The following GRID2 variants were observed in gnomAD, a reference collection of about 807,000 sequenced individuals.
GRID2 encodes glutamate ionotropic receptor delta type subunit 2, also known as glutamate receptor ionotropic, delta-2.
GRID2 carries 33 observed loss-of-function variants against 114.8 expected under a neutral mutation model. That is an observed-to-expected ratio of 0.29 (90% CI 0.22 to 0.38). GRID2 has a LOEUF of 0.38. Ranked by LOEUF, GRID2 falls within the 10% of genes least tolerant of loss-of-function variation. The pLI is 1.00. For missense variants in GRID2, 1,184 were observed against 1,257.7 expected, an observed-to-expected ratio of 0.94 and a Z score of 0.89; for synonymous variants, 505 against 449.9, an observed-to-expected ratio of 1.12 and a Z score of -1.55.
At chr4:93,054,395 T>G (rs569763392) in intron 2 of GRID2, among the ~76,000 whole-genome samples, 1 of 152,032 alleles carries the variant, frequency 6.6e-6, no homozygotes, top group South Asian at 2.1e-4. Context: ...GGAAATAAGT[T>G]TAAGGGATTA....
chr4:92,570,901 A>G (rs561542443), intron 1 of GRID2, among the ~76,000 whole-genome samples: 2 of 152,184 alleles, frequency 1.3e-5, no homozygotes, highest in African/African-American at 4.8e-5. Context: ...AAACAAGGAT[A>G]TTTTGACTCC....
chr4:92,585,450 GA>G (rs150669081), intron 1 of GRID2, among the ~76,000 whole-genome samples: 8,995 of 151,952 alleles, frequency 0.059, 300 homozygotes, highest in East Asian at 0.12. Context: ...TTGGAATTAT[GA>G]AATCCAACGA....
intron 1 of GRID2, among the ~76,000 whole-genome samples, chr4:92,365,183 T>C (rs1253457512): frequency 1.3e-5 from 2 of 152,106 alleles, no homozygotes; most frequent in Non-Finnish European, 2.9e-5. Flanking sequence ...TTCACTCCCA[T>C]GTTCATTATA....
intron 1 of GRID2, among the ~76,000 whole-genome samples, chr4:92,535,839 G>A (rs968513923): frequency 3.3e-5 from 5 of 152,016 alleles, no homozygotes; most frequent in Admixed American, 1.3e-4. Flanking sequence ...CGGGTTCGTC[G>A]TCTTGCTCAC....
At chr4:92,529,986 T>C (rs1199463307) in intron 1 of GRID2, among the ~76,000 whole-genome samples, 2 of 151,730 alleles carry the variant, frequency 1.3e-5, no homozygotes, top group African/African-American at 4.8e-5. Flanking sequence ...AGTTGGCAAC[T>C]GTATGGAGTA....
intron 2 of GRID2, among the ~76,000 whole-genome samples, chr4:92,764,758 C>G (rs1183177548): frequency 6.6e-6 from 1 of 152,126 alleles, no homozygotes; most frequent in Non-Finnish European, 1.5e-5. Flanking sequence ...AGTGCTAACA[C>G]AATGCCTGAT....
chr4:92,541,652 A>G (rs1579548699), intron 1 of GRID2, among the ~76,000 whole-genome samples: 1 of 152,284 alleles, frequency 6.6e-6, no homozygotes, highest in South Asian at 2.1e-4. Flanking sequence ...TATAATTAAT[A>G]TGAGTGGTCA....
chr4:93,026,994 A>T (rs1040743352), intron 2 of GRID2, among the ~76,000 whole-genome samples: 3 of 152,092 alleles, frequency 2.0e-5, no homozygotes, highest in Non-Finnish European at 4.4e-5. Context: ...TGTTACTCAG[A>T]AGTGAGAGGA....
chr4:92,491,864 G>A (rs961445633), intron 1 of GRID2, among the ~76,000 whole-genome samples: 1 of 152,010 alleles, frequency 6.6e-6, no homozygotes, highest in African/African-American at 2.4e-5. Flanking sequence ...AGTACTTTTT[G>A]GAGATATGCA....
intron 2 of GRID2, among the ~76,000 whole-genome samples, chr4:92,827,273 A>G (rs2149394377): frequency 6.6e-6 from 1 of 152,128 alleles, no homozygotes. Context: ...TAATGAATGA[A>G]AAAGCATATA....
intron 12 of GRID2, among the ~76,000 whole-genome samples, chr4:93,502,619 A>G (rs1728218887): frequency 6.6e-6 from 1 of 151,242 alleles, no homozygotes; most frequent in Non-Finnish European, 1.5e-5. Flanking sequence ...TATCTGTTTG[A>G]CCCCATCAAT....
At chr4:93,698,677 A>G in intron 14 of GRID2, among the ~76,000 whole-genome samples, 1 of 152,092 alleles carries the variant, frequency 6.6e-6, no homozygotes, top group East Asian at 1.9e-4. Context: ...GATTTTAGGA[A>G]TAAGTTTTGA....
chr4:93,796,339 G>A (rs1236525463), intron 1 of GRID2, among the ~76,000 whole-genome samples: 1 of 152,126 alleles, frequency 6.6e-6, no homozygotes, highest in Non-Finnish European at 1.5e-5. Flanking sequence ...AGCACAGGGG[G>A]AATTTTGAAA....
At chr4:92,710,771 G>T (rs1398052879) in intron 2 of GRID2, among the ~76,000 whole-genome samples, 1 of 152,050 alleles carries the variant, frequency 6.6e-6, no homozygotes, top group Non-Finnish European at 1.5e-5. Flanking sequence ...CAGACTGTAA[G>T]TAAATAAGAG....
chr4:93,081,711 T>C (rs1328531630), intron 2 of GRID2, among the ~76,000 whole-genome samples: 1 of 152,158 alleles, frequency 6.6e-6, no homozygotes, highest in Non-Finnish European at 1.5e-5. Context: ...AACTATGCCA[T>C]TGAGATGTCA....
intron 8 of GRID2, among the ~76,000 whole-genome samples, chr4:93,354,781 T>C (rs1444110716): frequency 2.2e-5 from 3 of 137,504 alleles, no homozygotes; most frequent in African/African-American, 8.3e-5. Context: ...GTAATATTTA[T>C]ATATGAAGAT....
At chr4:93,217,076 T>A in intron 6 of GRID2, 165 bp downstream of exon 6, 1 of 466,208 alleles carries the variant, frequency 2.1e-6, no homozygotes, top group East Asian at 3.1e-5. Flanking sequence ...AGAATTTGCG[T>A]CTTTGTTCTT....
At chr4:93,802,501 G>A (rs1002090676) in intron 1 of GRID2, among the ~76,000 whole-genome samples, 1 of 152,072 alleles carries the variant, frequency 6.6e-6, no homozygotes, top group Non-Finnish European at 1.5e-5. Context: ...AATTAAAAAA[G>A]AAAACATTTT....
At chr4:93,710,327 C>T (rs1728378218) in intron 14 of GRID2, among the ~76,000 whole-genome samples, 5 of 152,308 alleles carry the variant, frequency 3.3e-5, no homozygotes, top group Admixed American at 2.6e-4. Flanking sequence ...ACCTTGCAGC[C>T]TGTTAGAGGT....
Sources: allele counts gnomAD v4.1 joint callset (sites outside exome capture counted in the v4.1 genomes callset), GRCh38; gene constraint gnomAD v4.1.1; transcripts MANE v1.5; gene names NCBI Gene and HGNC (gene_info 2026-07-23, HGNC 2026-07-21).